MTR: variants seen among roughly 807,000 people sequenced by gnomAD.
MTR encodes the protein methionine synthase.
MTR carries 84 observed loss-of-function variants against 154.8 expected under a neutral mutation model. That is an observed-to-expected ratio of 0.54 (90% CI 0.45 to 0.65). The LOEUF (loss-of-function observed/expected upper bound fraction) is 0.65, where lower values mean the gene tolerates loss of function less well. Among genes scored for constraint, MTR ranks in the 30% least tolerant of loss-of-function variants. The probability of loss-of-function intolerance (pLI) is 0.00; values close to 1 mark genes in which losing one functional copy is unlikely to be tolerated. For missense variants in MTR, 1,275 were observed against 1,570.2 expected (o/e 0.81, Z 3.18); for synonymous variants, 554 against 553.9 (o/e 1.00, Z 0.00).
intron 24 of MTR, among the ~76,000 whole-genome samples, chr1:236,877,019 G>A (rs1476922469): frequency 6.6e-6 from 1 of 152,162 alleles, no homozygotes; most frequent in African/African-American, 2.4e-5. Context: ...CATGCCTGTT[G>A]CAGTTTCTGG....
intron 23 of MTR, 137 bp downstream of exon 23, chr1:236,873,977 C>T: frequency 1.2e-6 from 1 of 841,924 alleles, no homozygotes; most frequent in Non-Finnish European, 2.0e-6. Context: ...CCAGCTCCTG[C>T]ACCAGGTTGC....
chr1:236,880,978 C>G, intron 25 of MTR, 142 bp downstream of exon 25: 1 of 826,098 alleles, frequency 1.2e-6, no homozygotes, highest in Non-Finnish European at 2.1e-6. Context: ...TGGTGTGCCT[C>G]TGCAGTGACT....
intron 18 of MTR, among the ~76,000 whole-genome samples, chr1:236,854,491 T>C (rs1012748112): frequency 6.6e-6 from 1 of 152,170 alleles, no homozygotes. Context: ...CATTGAGACA[T>C]GGGCGTTAAA....
intron 11 of MTR, 65 bp downstream of exon 11, chr1:236,826,961 G>A: frequency 2.1e-6 from 3 of 1,433,364 alleles, no homozygotes; most frequent in Non-Finnish European, 2.9e-6. Flanking sequence ...ATCTAAATAT[G>A]TACTTTTTGT....
intron 12 of MTR, among the ~76,000 whole-genome samples, chr1:236,830,068 G>A (rs982573484): frequency 3.9e-5 from 6 of 152,044 alleles, no homozygotes; most frequent in South Asian, 2.1e-4. Flanking sequence ...AATAAATTAC[G>A]AATGACAGCA....
rs1666769402 is a variant in MTR, at chr1:236,898,259, A to AGT, written c.*619_*620dup. On this transcript the variant is annotated 3_prime_UTR_variant, in exon 33 of 33. Coordinates refer to ENST00000366577, the MANE Select transcript of MTR (RefSeq NM_000254.3). ...CAGAAACACTGAAGCCATTTGCCCC[A>AGT]GTGTGGTCAAGCAGCCATGCTTTCT... 1 of 152,706 alleles carries AGT rather than the reference A, an allele frequency of 6.5e-6. No individual in the cohort carries two copies. The highest frequency in any genetic ancestry group is 2.4e-5 in the African/African-American group (1 of 41,418). 9.5% of individuals were successfully genotyped at this position (152,706 alleles called of 1,614,324 possible).
intron 3 of MTR, among the ~76,000 whole-genome samples, chr1:236,806,736 C>T (rs1339050955): frequency 1.3e-5 from 2 of 152,144 alleles, no homozygotes; most frequent in Non-Finnish European, 2.9e-5. Context: ...TAAACAATAC[C>T]TTCCCATTCT....
At chr1:236,799,159 G>A (rs1660567363) in intron 1 of MTR, among the ~76,000 whole-genome samples, 1 of 151,434 alleles carries the variant, frequency 6.6e-6, no homozygotes, top group Admixed American at 6.6e-5. Flanking sequence ...GTCTCACTCT[G>A]TTGCCCAAGC....
At chr1:236,867,214 G>C (rs1411967998) in intron 22 of MTR, among the ~76,000 whole-genome samples, 2 of 152,142 alleles carry the variant, frequency 1.3e-5, no homozygotes, top group African/African-American at 4.8e-5. Context: ...GCTGATGACT[G>C]TCAGTTGAAG....
intron 29 of MTR, among the ~76,000 whole-genome samples, chr1:236,892,401 G>A (rs778769227): frequency 4.6e-5 from 7 of 152,116 alleles, no homozygotes; most frequent in Non-Finnish European, 8.8e-5. Context: ...AGGATCACTT[G>A]AGCCTAGGAG....
At chr1:236,836,947 T>C (rs928154939) in intron 14 of MTR, among the ~76,000 whole-genome samples, 3 of 152,196 alleles carry the variant, frequency 2.0e-5, no homozygotes, top group Non-Finnish European at 4.4e-5. Flanking sequence ...CCTTTGTGAA[T>C]TGTAAAGATG....
At chr1:236,865,937 A>G (rs1664798908) in intron 22 of MTR, among the ~76,000 whole-genome samples, 1 of 152,160 alleles carries the variant, frequency 6.6e-6, no homozygotes, top group African/African-American at 2.4e-5. Context: ...AGAACTTGAG[A>G]GATTTCATCA....
At chr1:236,801,812 A>G (rs1660714771) in intron 1 of MTR, among the ~76,000 whole-genome samples, 1 of 152,198 alleles carries the variant, frequency 6.6e-6, no homozygotes, top group Non-Finnish European at 1.5e-5. Flanking sequence ...GAGTTGTTGA[A>G]GGTGTTTGAG....
At position 236,902,217 on chromosome 1, in the gene MTR, C is replaced by T. The variant is rs186576639; in HGVS notation, c.*4573C>T. 1 of 152,402 alleles carries T rather than the reference C, an allele frequency of 6.6e-6. No homozygotes were observed. The highest frequency in any genetic ancestry group is 1.9e-4 in the East Asian group (1 of 5,164). The allele number at this position is 152,402 out of a possible 1,614,324, so 9.4% of individuals were successfully genotyped here. A position where few individuals can be genotyped will look rare whatever the true frequency, so the allele number is the denominator to read the frequency against. ...TGGAAGCCCTAGACTGCTGCTGTAC[C>T]CTGAAGGAGGTACCTGCTCACATTG... is the stretch of plus-strand genomic sequence containing the variant. On this transcript the variant is annotated 3_prime_UTR_variant, in exon 33 of 33. Coordinates refer to ENST00000366577, the MANE Select transcript of MTR (RefSeq NM_000254.3).
intron 3 of MTR, among the ~76,000 whole-genome samples, chr1:236,807,965 A>G (rs1443723867): frequency 6.6e-6 from 1 of 152,160 alleles, no homozygotes; most frequent in Non-Finnish European, 1.5e-5. Context: ...TTGCCCTATG[A>G]GCCAGAGTTT....
intron 15 of MTR, among the ~76,000 whole-genome samples, chr1:236,842,208 GATT>G (rs778134066): frequency 1.8e-4 from 27 of 152,240 alleles, no homozygotes; most frequent in Non-Finnish European, 3.2e-4. Flanking sequence ...TCTAACTCTT[GATT>G]ATTTTTGTGA....
intron 15 of MTR, among the ~76,000 whole-genome samples, chr1:236,844,455 T>TGC (rs1192236181): frequency 0.023 from 3 of 128 alleles, no homozygotes; most frequent in African/African-American, 0.094. Context: ...AGAAAGGGCG[T>TGC]GTGTGTGTGT....
At chr1:236,807,466 G>A (rs896382924) in intron 3 of MTR, among the ~76,000 whole-genome samples, 2 of 152,120 alleles carry the variant, frequency 1.3e-5, no homozygotes, top group Non-Finnish European at 2.9e-5. Context: ...GAGCCACCGC[G>A]CCTGGCCGGC....
At chr1:236,827,015 C>A in intron 11 of MTR, 119 bp downstream of exon 11, 1 of 873,814 alleles carries the variant, frequency 1.1e-6, no homozygotes, top group Non-Finnish European at 1.9e-6. Flanking sequence ...TGTTGAAGTT[C>A]TAACCCCTAC....
Sources: allele counts gnomAD v4.1 joint callset (sites outside exome capture counted in the v4.1 genomes callset), GRCh38; gene constraint gnomAD v4.1.1; transcripts MANE v1.5; gene names NCBI Gene and HGNC (gene_info 2026-07-23, HGNC 2026-07-21).